CELSR3: variants seen among roughly 807,000 people sequenced by gnomAD.
CELSR3 encodes cadherin EGF LAG seven-pass G-type receptor 3, also known as EGF-like protein 1.
Under a neutral mutation model 270.0 loss-of-function variants are expected in CELSR3, and 73 were observed. The observed-to-expected ratio is 0.27, with a 90% CI of 0.22 to 0.33. CELSR3 has a LOEUF of 0.33. CELSR3 is among the 10% of genes least tolerant of loss of function. The probability of loss-of-function intolerance (pLI) is 1.00; values close to 1 mark genes in which losing one functional copy is unlikely to be tolerated. For missense variants in CELSR3, 3,614 were observed against 4,533.8 expected, an observed-to-expected ratio of 0.80 and a Z score of 5.83; for synonymous variants, 1,780 against 1,905.4, an observed-to-expected ratio of 0.93 and a Z score of 1.71.
intron 28 of CELSR3, 180 bp from the exon 29 acceptor site, chr3:48,643,263 G>C: frequency 1.6e-6 from 1 of 625,184 alleles, no homozygotes; most frequent in East Asian, 2.7e-5. Flanking sequence ...AGCAGCAGGA[G>C]TGGCTGGAGT....
rs2077054666 is a variant in CELSR3, at chr3:48,660,019, T to C, written c.2616A>G (p.Pro872=). ...HYSVSVNEDR[P]MGSTIVVISA... is the part of the protein sequence containing the mutation. ...TGATGACCACTATGGTGCTACCCAT[T>C]GGCCGATCTTCATTCACACTCACTG... is the stretch of plus-strand genomic sequence containing the variant. The change falls in exon 1 of 35, where the codon CCA becomes CCG. Residue 872 remains proline, a synonymous_variant. Transcript: ENST00000164024. This position sits in a 1 kb window ranked among gnomAD's most constrained non-coding sequence, Gnocchi z 5.5. The C allele has an allele frequency of 6.2e-7, 1 of 1,614,096 alleles. No homozygotes were observed. The highest frequency in any genetic ancestry group is 1.3e-5 in the African/African-American group (1 of 74,930).
Position 48,652,621 on chromosome 3 carries a change from C to G in CELSR3, c.5635-68G>C. On this transcript the variant is annotated intron_variant, in intron 10 of 34. Coordinates refer to ENST00000164024, the MANE Select transcript of CELSR3 (RefSeq NM_001407.3). This position sits in a 1 kb window ranked among gnomAD's most constrained non-coding sequence, Gnocchi z 4.3. ...ATGAACCCCTGTCATAGCCCAGAGT[C>G]AGTCTTGGCCTTCTTCTAGCCCTTC... 1 of 1,252,024 alleles carries G rather than the reference C, an allele frequency of 8.0e-7. No individual in the cohort carries two copies. Among genetic ancestry groups the G allele is most frequent in the Non-Finnish European group, 1.1e-6 (1 of 893,354 alleles). The allele number at this position is 1,252,024 out of a possible 1,614,324, so 77.6% of individuals were successfully genotyped here. A position where few individuals can be genotyped will look rare whatever the true frequency, so the allele number is the denominator to read the frequency against.
chr3:48,646,508 G>A lies in CELSR3; in HGVS notation c.7296-251C>T, dbSNP rs2047086147. 6.6e-6 allele frequency among the ~76,000 whole-genome samples: 1 copy of A among 152,212 alleles called. No individual in the cohort carries two copies. The highest frequency in any genetic ancestry group is 6.5e-5 in the Admixed American group (1 of 15,284). ...CCCATCAGTCAGCCTGTCCTTGTCT[G>A]TCTCTGTCAGCCCTTTGGTCTGTCT... On this transcript the variant is annotated intron_variant, in intron 21 of 34. Coordinates refer to ENST00000164024, the MANE Select transcript of CELSR3 (RefSeq NM_001407.3). This position sits in a 1 kb window ranked among gnomAD's most constrained non-coding sequence, Gnocchi z 4.8.
In CELSR3 at chr3:48,640,603, G is replaced by A. The variant is rs1353413210; in HGVS notation, c.9026-44C>T. The A allele has an allele frequency of 6.7e-7, 1 of 1,491,784 alleles. No individual in the cohort carries two copies. Among genetic ancestry groups the A allele is most frequent in the Admixed American group, 2.2e-5 (1 of 46,124 alleles). The allele number at this position is 1,491,784 out of a possible 1,614,324, so 92.4% of individuals were successfully genotyped here. Reference sequence around the variant, plus strand: ...GGGGGGCAGGGTTTGTGTGGGAGGGGGAGGGCAGGCAGGAATTGCTGAGTC... The same window carrying A: ...GGGGGGCAGGGTTTGTGTGGGAGGGAGAGGGCAGGCAGGAATTGCTGAGTC... On this transcript the variant is annotated intron_variant, in intron 33 of 34. Coordinates refer to ENST00000164024, the MANE Select transcript of CELSR3 (RefSeq NM_001407.3). The surrounding 1 kb of genome is among the most constrained non-coding windows in gnomAD (Gnocchi z 7.5).
Position 48,646,350 on chromosome 3 carries a change from G to T in CELSR3, c.7296-93C>A. 1 of 1,361,542 alleles carries T rather than the reference G, an allele frequency of 7.3e-7. No individual in the cohort carries two copies. Among genetic ancestry groups the T allele is most frequent in the Non-Finnish European group, 9.9e-7 (1 of 1,006,184 alleles). The allele number at this position is 1,361,542 out of a possible 1,614,324, so 84.3% of individuals were successfully genotyped here. A position where few individuals can be genotyped will look rare whatever the true frequency, so the allele number is the denominator to read the frequency against. ...CGTCTTCATGCCACTCGCCAGGGCT[G>T]ACCCAGGGTCTGGGATGTCCCCAGA... On this transcript the variant is annotated intron_variant, in intron 21 of 34. Transcript: ENST00000164024. This position sits in a 1 kb window ranked among gnomAD's most constrained non-coding sequence, Gnocchi z 4.8.
chr3:48,661,102 C>T lies in CELSR3; in HGVS notation c.1533G>A (p.Leu511=). 1.2e-6 allele frequency: 2 copies of T among 1,613,042 alleles called. No individual in the cohort carries two copies. Among genetic ancestry groups the T allele is most frequent in the Middle Eastern group, 1.7e-4 (1 of 5,968 alleles). Residue 511 remains leucine, a synonymous_variant, in exon 1 of 35, where the codon CTG becomes CTA. Coordinates refer to ENST00000164024, the MANE Select transcript of CELSR3 (RefSeq NM_001407.3). ...VDREHMESYE[L]VVEASDQGQE... The stretch of plus-strand genomic sequence containing the variant: ...GGCCCTGGTCGCTGGCTTCCACCAC[C>T]AGCTCATAGCTTTCCATGTGCTCGC...
At position 48,649,228 on chromosome 3, in the gene CELSR3, A is replaced by C; in HGVS notation, c.6473-13T>G. The C allele has an allele frequency of 6.2e-7, 1 of 1,603,766 alleles. No individual in the cohort carries two copies. On this transcript the variant is annotated splice_polypyrimidine_tract_variant and intron_variant, in intron 16 of 34. Coordinates refer to ENST00000164024, the MANE Select transcript of CELSR3 (RefSeq NM_001407.3). ...CGCACAGCAGCACCTGGAGGCAGGC[A>C]ACCCCTGGTCAGGCCTGGGGCCTGG...
At position 48,646,718 on chromosome 3, in the gene CELSR3, G is replaced by A; in HGVS notation, c.7295+45C>T. ...CTACCCACCAAAAAAGGGGCTGCCA[G>A]GCTGAGAAGTTCGTAGGAAGCTCAG... On this transcript the variant is annotated intron_variant, in intron 21 of 34. Transcript: ENST00000164024. This position sits in a 1 kb window ranked among gnomAD's most constrained non-coding sequence, Gnocchi z 4.8. The A allele has an allele frequency of 1.3e-6, 2 of 1,577,230 alleles. No individual in the cohort carries two copies. Among genetic ancestry groups the A allele is most frequent in the South Asian group, 2.3e-5 (2 of 85,974 alleles).
Position 48,640,185 on chromosome 3 carries a change from T to C in CELSR3, c.9400A>G (p.Met3134Val). Reference sequence around the variant, plus strand: ...TCCCGTGACCCGAAGCGGCCAGCCATGGCGCCAGGGTAGTCCCGAGGTGGC... The same window carrying C: ...TCCCGTGACCCGAAGCGGCCAGCCACGGCGCCAGGGTAGTCCCGAGGTGGC... The part of the protein sequence containing the change: ...RQPPRDYPGA[M>V]AGRFGSRDAL... The change falls in exon 34 of 35, where the codon ATG (methionine) becomes GTG (valine). Residue 3134 changes from methionine to valine, a missense_variant. Around this residue, in one of 7 missense-constraint regions of CELSR3, gnomAD observed 1,240 missense variants for 1,351.7 expected, o/e 0.92. Transcript: ENST00000164024. The surrounding 1 kb of genome is among the most constrained non-coding windows in gnomAD (Gnocchi z 7.5). The C allele has an allele frequency of 6.2e-7, 1 of 1,612,692 alleles. No individual in the cohort carries two copies. The highest frequency in any genetic ancestry group is 1.1e-5 in the South Asian group (1 of 91,068).
In CELSR3 at chr3:48,654,021, A is replaced by G. The variant is rs1411810675; in HGVS notation, c.5153-18T>C. 3 of 1,609,998 alleles carry G rather than the reference A, an allele frequency of 1.9e-6. No homozygotes were observed. Among genetic ancestry groups the G allele is most frequent in the East Asian group, 4.5e-5 (2 of 44,758 alleles). On this transcript the variant is annotated intron_variant, in intron 7 of 34. Transcript: ENST00000164024. This position sits in a 1 kb window ranked among gnomAD's most constrained non-coding sequence, Gnocchi z 5.4. ...TTGGCAGCCTGGGAGAGGAAAGCAC[A>G]TGGCGGACATGAGAACAAGGGTTGG...
In CELSR3 at chr3:48,652,120, C is replaced by T; in HGVS notation, c.5752-72G>A. The stretch of plus-strand genomic sequence containing the variant: ...CAGCCTCAAGTACTGCAGAGCCAGC[C>T]ACCCGGTCTGATGATCCTTGACATG... On this transcript the variant is annotated intron_variant, in intron 11 of 34. Coordinates refer to ENST00000164024, the MANE Select transcript of CELSR3 (RefSeq NM_001407.3). This position sits in a 1 kb window ranked among gnomAD's most constrained non-coding sequence, Gnocchi z 4.3. 3 of 1,393,096 alleles carry T rather than the reference C, an allele frequency of 2.2e-6. No individual in the cohort carries two copies. The highest frequency in any genetic ancestry group is 9.5e-7 in the Non-Finnish European group (1 of 1,054,006). The allele number at this position is 1,393,096 out of a possible 1,614,324, so 86.3% of individuals were successfully genotyped here.
chr3:48,662,518 G>A lies in CELSR3; in HGVS notation c.117C>T (p.His39=). 1 of 1,609,762 alleles carries A rather than the reference G, an allele frequency of 6.2e-7. No homozygotes were observed. Among genetic ancestry groups the A allele is most frequent in the Non-Finnish European group, 8.5e-7 (1 of 1,178,092 alleles). Residue 39 remains histidine (H), a synonymous_variant, in exon 1 of 35, where the codon CAC becomes CAT. Transcript: ENST00000164024. The surrounding 1 kb of genome is among the most constrained non-coding windows in gnomAD (Gnocchi z 7.1). ...CAGCTAAGCCTGGGTCCCAGCCCTGGTGCCCACCGCCCCCCAGCTCCTCCT... is the reference window on the plus strand; with the variant it reads ...CAGCTAAGCCTGGGTCCCAGCCCTGATGCCCACCGCCCCCCAGCTCCTCCT... The part of the protein sequence containing the change: ...LSQEELGGGG[H]QGWDPGLAAT...
Position 48,655,436 on chromosome 3 carries a change from T to G in CELSR3, c.4742-42A>C. The G allele has an allele frequency of 6.3e-7, 1 of 1,599,920 alleles. No homozygotes were observed. Among genetic ancestry groups the G allele is most frequent in the Non-Finnish European group, 8.6e-7 (1 of 1,167,988 alleles). ...TGTGGAATCATCAGGAGCAGCGGAG[T>G]CGCCCCATCCCACCCGTCATATAAG... is the stretch of plus-strand genomic sequence containing the variant. On this transcript the variant is annotated intron_variant, in intron 4 of 34. Coordinates refer to ENST00000164024, the MANE Select transcript of CELSR3 (RefSeq NM_001407.3). The surrounding 1 kb of genome is among the most constrained non-coding windows in gnomAD (Gnocchi z 5.8).
At chr3:48,656,072 A>C in intron 3 of CELSR3, 68 bp downstream of exon 3, 2 of 1,276,870 alleles carry the variant, frequency 1.6e-6, no homozygotes, top group Non-Finnish European at 1.0e-6. Flanking sequence ...CGGGGCAGTC[A>C]GGAATCTGAG....
rs1244547982 is a variant in CELSR3, at chr3:48,661,900, C to G, written c.735G>C (p.Leu245=). ...TCCTCGCCGTGCGTGGTGCTGAATC[C>G]AGCTCGGGGCCAGATCCCGAGGCCC... ...LPGASGSGPE[L]DSAPRTARTA... The change falls in exon 1 of 35, where the codon CTG becomes CTC. Residue 245 remains leucine, a synonymous_variant. Coordinates refer to ENST00000164024, the MANE Select transcript of CELSR3 (RefSeq NM_001407.3). 1.2e-6 allele frequency: 2 copies of G among 1,612,110 alleles called. No individual in the cohort carries two copies. Among genetic ancestry groups the G allele is most frequent in the South Asian group, 2.2e-5 (2 of 91,048 alleles).
At position 48,643,566 on chromosome 3, in the gene CELSR3, G is replaced by A. The variant is rs767742761; in HGVS notation, c.8277C>T (p.Leu2759=). Residue 2759 remains leucine, a synonymous_variant, in exon 28 of 35, where the codon CTC becomes CTT. Transcript: ENST00000164024. ...ILAFHYLHAG[L]CGLQGLAVLL... is the part of the protein sequence containing the mutation. The stretch of plus-strand genomic sequence containing the variant: ...GCACCAGAGTCACCTGGAGGCCGCA[G>A]AGTCCAGCATGGAGGTAGTGGAAGG... The A allele has an allele frequency of 6.4e-7, 1 of 1,550,716 alleles. No individual in the cohort carries two copies. The highest frequency in any genetic ancestry group is 8.7e-7 in the Non-Finnish European group (1 of 1,146,714).
Position 48,640,207 on chromosome 3 carries a change from T to C in CELSR3, c.9378A>G (p.Pro3126=). 6.2e-7 allele frequency: 1 copy of C among 1,612,688 alleles called. No individual in the cohort carries two copies. Among genetic ancestry groups the C allele is most frequent in the Non-Finnish European group, 8.5e-7 (1 of 1,179,912 alleles). ...DRGSTLPRRQ[P]PRDYPGAMAG... is the part of the protein sequence containing the mutation. The stretch of plus-strand genomic sequence containing the variant: ...CCATGGCGCCAGGGTAGTCCCGAGG[T>C]GGCTGCCTCCGTGGCAGGGTGCTGC... Residue 3126 remains proline (P), a synonymous_variant, in exon 34 of 35, where the codon CCA becomes CCG. Transcript: ENST00000164024. This position sits in a 1 kb window ranked among gnomAD's most constrained non-coding sequence, Gnocchi z 7.5.
At position 48,641,178 on chromosome 3, in the gene CELSR3, C is replaced by T. The variant is rs977934461; in HGVS notation, c.9025+146G>A. The T allele has an allele frequency of 3.5e-5, 23 of 651,640 alleles. No individual in the cohort carries two copies. Among genetic ancestry groups the T allele is most frequent in the South Asian group, 9.1e-5 (5 of 54,878 alleles). 40.4% of individuals were successfully genotyped at this position (651,640 alleles called of 1,614,324 possible). On this transcript the variant is annotated intron_variant, in intron 33 of 34. Transcript: ENST00000164024. This position sits in a 1 kb window ranked among gnomAD's most constrained non-coding sequence, Gnocchi z 4.8. Reference sequence around the variant, plus strand: ...CAGGACAGGAGCAGTCCCTGAGGACCGTGAAGCAGGCTAGAGAAGCAGAAG... The same window carrying T: ...CAGGACAGGAGCAGTCCCTGAGGACTGTGAAGCAGGCTAGAGAAGCAGAAG...
chr3:48,649,782 C>T (rs1559478892), intron 16 of CELSR3, among the ~76,000 whole-genome samples: 2 of 152,142 alleles, frequency 1.3e-5, no homozygotes, highest in Non-Finnish European at 2.9e-5. Flanking sequence ...TAGCTACCAA[C>T]AAGAGAGAGC....
Sources: gnomAD v4.1 joint callset for allele counts (sites outside exome capture counted in the v4.1 genomes callset) on GRCh38, gnomAD v4.1.1 for gene constraint, gnomAD v4.1.1 regional missense constraint, Gnocchi (gnomAD v3.1) non-coding constraint, MANE v1.5 for transcripts, NCBI Gene and HGNC (gene_info 2026-07-23, HGNC 2026-07-21) for gene names.